The following SORCS1 variants were observed in gnomAD, a reference collection of about 807,000 sequenced individuals.
SORCS1 encodes VPS10 domain-containing receptor SorCS1.
A neutral mutation model predicts 146.1 loss-of-function variants in SORCS1; 60 were observed. The observed-to-expected ratio is 0.41, with a 90% confidence interval of 0.33 to 0.51. SORCS1 has a LOEUF of 0.51. Among genes scored for constraint, SORCS1 ranks in the 20% least tolerant of loss-of-function variants. SORCS1 has a pLI of 0.21. For synonymous variants in SORCS1, 637 were observed against 584.0 expected, an observed-to-expected ratio of 1.09 and a Z score of -1.31; for missense variants, 1,352 against 1,487.6, an observed-to-expected ratio of 0.91 and a Z score of 1.50.
chr10:106,886,464 C>G (rs995751253), intron 2 of SORCS1, among the ~76,000 whole-genome samples: 16 of 152,170 alleles, frequency 1.1e-4, no homozygotes, highest in African/African-American at 3.9e-4. Context: ...CACACACACA[C>G]TCTCTGTTAT....
At chr10:107,046,909 G>A (rs1488905927) in intron 1 of SORCS1, among the ~76,000 whole-genome samples, 4 of 152,150 alleles carry the variant, frequency 2.6e-5, no homozygotes, top group Non-Finnish European at 5.9e-5. Flanking sequence ...TCATGATGGT[G>A]GCTACATATT....
intron 2 of SORCS1, among the ~76,000 whole-genome samples, chr10:106,883,049 G>A (rs1589624230): frequency 6.6e-6 from 1 of 152,290 alleles, no homozygotes; most frequent in East Asian, 1.9e-4. Flanking sequence ...ACCTAGAAGA[G>A]GTTCTACAGA....
At chr10:106,999,699 A>G (rs954429763) in intron 1 of SORCS1, among the ~76,000 whole-genome samples, 2 of 152,222 alleles carry the variant, frequency 1.3e-5, no homozygotes, top group African/African-American at 2.4e-5. Flanking sequence ...GAGCCATTCT[A>G]GTTTCCAAAT....
At chr10:106,601,373 CA>C (rs1175098625) in intron 23 of SORCS1, among the ~76,000 whole-genome samples, 31 of 152,362 alleles carry the variant, frequency 2.0e-4, no homozygotes, top group African/African-American at 7.2e-4. Context: ...ATCAGCTAAA[CA>C]ATCACGCCAT....
chr10:107,085,637 A>T (rs1341203332), intron 1 of SORCS1, among the ~76,000 whole-genome samples: 2 of 152,200 alleles, frequency 1.3e-5, no homozygotes, highest in African/African-American at 4.8e-5. Context: ...GAATTGGATA[A>T]GTGAAACAAG....
intron 6 of SORCS1, among the ~76,000 whole-genome samples, chr10:106,727,623 G>A (rs909918130): frequency 6.6e-6 from 1 of 152,064 alleles, no homozygotes; most frequent in Non-Finnish European, 1.5e-5. Flanking sequence ...TAAAAAGAAA[G>A]TATAATTTCA....
At chr10:106,790,841 C>G (rs1946283665) in intron 3 of SORCS1, among the ~76,000 whole-genome samples, 1 of 152,122 alleles carries the variant, frequency 6.6e-6, no homozygotes, top group Non-Finnish European at 1.5e-5. Flanking sequence ...AATTTTGTTT[C>G]TTTTCATTTA....
chr10:106,852,821 A>C (rs1949644774), intron 2 of SORCS1, among the ~76,000 whole-genome samples: 1 of 152,142 alleles, frequency 6.6e-6, no homozygotes, highest in Non-Finnish European at 1.5e-5. Flanking sequence ...CCAGCTTTAC[A>C]TATCTTGGAT....
chr10:106,746,432 C>G (rs1457937425), intron 5 of SORCS1, among the ~76,000 whole-genome samples: 1 of 152,176 alleles, frequency 6.6e-6, no homozygotes, highest in Non-Finnish European at 1.5e-5. Flanking sequence ...GCCACAATTT[C>G]CTACAAAGAG....
Position 107,164,336 on chromosome 10 carries a change from C to T in SORCS1, c.191G>A (p.Arg64Lys), listed in dbSNP as rs761161542. 7.1e-6 allele frequency: 11 copies of T among 1,539,582 alleles called. No homozygotes were observed. ...GAGGGGCAGGGGCGTGGCAGGAGCC[C>T]TGCCTGGCCGCCCCTGGTGGGAAAA... is the stretch of plus-strand genomic sequence containing the variant. Reference protein sequence around the residue: ...RGFSHQGRPGRAPATPLPLVV... With the variant: ...RGFSHQGRPGKAPATPLPLVV... The change falls in exon 1 of 26, where the codon AGG (arginine) becomes AAG (lysine). Residue 64 changes from arginine (R) to lysine (K), a missense_variant. Around this residue, in one of 3 missense-constraint regions of SORCS1, gnomAD observed 490 missense variants for 489.1 expected, o/e 1.00. Coordinates refer to ENST00000263054, the MANE Select transcript of SORCS1 (RefSeq NM_052918.5). This position sits in a 1 kb window ranked among gnomAD's most constrained non-coding sequence, Gnocchi z 6.8.
intron 1 of SORCS1, among the ~76,000 whole-genome samples, chr10:107,116,448 A>C (rs368998603): frequency 6.6e-6 from 1 of 152,168 alleles, no homozygotes; most frequent in Non-Finnish European, 1.5e-5. Flanking sequence ...ATGTACACAC[A>C]CACATACATA....
intron 16 of SORCS1, among the ~76,000 whole-genome samples, chr10:106,669,242 A>AAACAACAAC (rs35656422): frequency 6.6e-6 from 1 of 151,376 alleles, no homozygotes; most frequent in Non-Finnish European, 1.5e-5. Flanking sequence ...TGAAAAAGAA[A>AAACAACAAC]AACAACAACA....
chr10:106,993,948 C>G (rs1191182080), intron 1 of SORCS1, among the ~76,000 whole-genome samples: 4 of 151,422 alleles, frequency 2.6e-5, no homozygotes, highest in Non-Finnish European at 5.9e-5. Context: ...GCGGCCCATG[C>G]CTGTAGCCTC....
intron 4 of SORCS1, among the ~76,000 whole-genome samples, chr10:106,775,640 A>C (rs923178268): frequency 6.6e-6 from 1 of 152,196 alleles, no homozygotes; most frequent in African/African-American, 2.4e-5. Context: ...TATAATTTCT[A>C]ATTCATGATC....
In SORCS1 at chr10:106,716,328, G is replaced by A. The variant is rs551355193; in HGVS notation, c.1025-6987C>T. 1.1e-4 allele frequency among the ~76,000 whole-genome samples: 17 copies of A among 152,234 alleles called. 1 individual carries two copies. In the South Asian group the frequency reaches 2.1e-3, roughly 19 times the overall value. On this transcript the variant is annotated intron_variant, in intron 6 of 25. Transcript: ENST00000263054. ...GTCCTAGTTCCATCTCCAGCATGGCGTGTGACTCTGAGAAGGTCATCAACC... is the reference window on the plus strand; with the variant it reads ...GTCCTAGTTCCATCTCCAGCATGGCATGTGACTCTGAGAAGGTCATCAACC...
chr10:106,793,678 C>A (rs943406348), intron 3 of SORCS1, among the ~76,000 whole-genome samples: 3 of 152,144 alleles, frequency 2.0e-5, no homozygotes, highest in Admixed American at 1.3e-4. Context: ...ACTCTTAAAT[C>A]CAGGCAGATG....
At chr10:107,075,667 C>T (rs1421482579) in intron 1 of SORCS1, among the ~76,000 whole-genome samples, 1 of 152,198 alleles carries the variant, frequency 6.6e-6, no homozygotes, top group Non-Finnish European at 1.5e-5. Flanking sequence ...GAGAAATTGT[C>T]TAAATTTGTA....
chr10:107,052,318 T>C (rs1960197042), intron 1 of SORCS1, among the ~76,000 whole-genome samples: 2 of 152,182 alleles, frequency 1.3e-5, no homozygotes, highest in Non-Finnish European at 2.9e-5. Flanking sequence ...GATTTCAAGA[T>C]ATGTCTAATC....
At chr10:106,635,681 A>G (rs1351919807) in intron 18 of SORCS1, among the ~76,000 whole-genome samples, 1 of 152,216 alleles carries the variant, frequency 6.6e-6, no homozygotes, top group Non-Finnish European at 1.5e-5. Context: ...CTATTACTAT[A>G]AATATTTAAA....
Sources: gnomAD v4.1 joint callset for allele counts (sites outside exome capture counted in the v4.1 genomes callset) on GRCh38, gnomAD v4.1.1 for gene constraint, gnomAD v4.1.1 regional missense constraint, Gnocchi (gnomAD v3.1) non-coding constraint, MANE v1.5 for transcripts, NCBI Gene and HGNC (gene_info 2026-07-23, HGNC 2026-07-21) for gene names.